CCDC158: variants seen among roughly 807,000 people sequenced by gnomAD.
CCDC158 encodes the protein coiled-coil domain-containing protein 158.
In CCDC158, 116 loss-of-function variants were observed where a neutral mutation model predicts 138.6. The ratio of observed to expected loss-of-function variants is 0.84; its 90% CI spans 0.72 to 0.98. The LOEUF is 0.98. Ranked by LOEUF, CCDC158 falls within the 50% of genes least tolerant of loss-of-function variation. CCDC158 has a pLI of 0.00. For synonymous variants in CCDC158, 436 were observed against 442.4 expected (o/e 0.99, Z 0.18); for missense variants, 1,265 against 1,306.1 (o/e 0.97, Z 0.48).
Position 76,362,227 on chromosome 4 carries a change from G to A in CCDC158, c.1919C>T (p.Ala640Val). The stretch of plus-strand genomic sequence containing the variant: ...CACTGCACGGAGCCGCTCAGAGCCT[G>A]CATTCACCAGCTTCACCTTTTCCAG... ...LELEKVKLVN[A>V]GSERLRAVKD... Residue 640 changes from alanine to valine, a missense_variant, in exon 13 of 25, where the codon GCA becomes GTA. Transcript: ENST00000682701. 1.2e-6 allele frequency: 2 copies of A among 1,614,080 alleles called. No homozygotes were observed. The highest frequency in any genetic ancestry group is 1.3e-5 in the African/African-American group (1 of 75,034).
intron 1 of CCDC158, among the ~76,000 whole-genome samples, chr4:76,414,708 G>A (rs1729556685): frequency 6.6e-6 from 1 of 152,220 alleles, no homozygotes; most frequent in East Asian, 1.9e-4. Flanking sequence ...CGATGGGGTT[G>A]TAAGGGTTTT....
rs1303265042 is a variant in CCDC158 at position 76,384,549 on chromosome 4, TCC to T, written c.398+5_398+6del. 7 of 1,603,220 alleles carry T rather than the reference TCC, an allele frequency of 4.4e-6. No individual in the cohort carries two copies. The highest frequency in any genetic ancestry group is 6.0e-6 in the Non-Finnish European group (7 of 1,175,154). ...TGTGACTTTAAAATAATTTCACAAA[TCC>T]CAACCTGATGTCAGCCATAGCATCT... On this transcript the variant is annotated splice_donor_5th_base_variant and intron_variant, in intron 5 of 24. Transcript: ENST00000682701.
At chr4:76,375,235 CAT>C (rs1725605310) in intron 9 of CCDC158, 1 of 293,272 alleles carries the variant, frequency 3.4e-6, no homozygotes, top group Admixed American at 5.1e-5. Flanking sequence ...TCCCTTTCAC[CAT>C]CTATGAATGC....
intron 24 of CCDC158, among the ~76,000 whole-genome samples, chr4:76,321,738 C>T (rs1207152097): frequency 6.9e-6 from 1 of 144,672 alleles, no homozygotes; most frequent in Non-Finnish European, 1.5e-5. Context: ...GGTGTGTACA[C>T]ATATATATGT....
chr4:76,406,368 TAATA>T (rs1478804685), intron 2 of CCDC158, among the ~76,000 whole-genome samples: 2 of 152,138 alleles, frequency 1.3e-5, no homozygotes, highest in African/African-American at 2.4e-5. Flanking sequence ...GCAAACGCAG[TAATA>T]ATGGGAGGCT....
rs1310318817 is a variant in CCDC158 at position 76,357,360 on chromosome 4, C to A, written c.2173+14G>T. The A allele has an allele frequency of 1.4e-6, 2 of 1,470,380 alleles. No homozygotes were observed. Among genetic ancestry groups the A allele is most frequent in the Non-Finnish European group, 1.8e-6 (2 of 1,111,146 alleles). 91.1% of individuals were successfully genotyped at this position (1,470,380 alleles called of 1,614,324 possible). A position where few individuals can be genotyped will look rare whatever the true frequency, so the allele number is the denominator to read the frequency against. ...AAAAACAGAAGAAAAAATTTTAAATCTAACAGAGCATACCATGACCATCAG... is the reference window on the plus strand; with the variant it reads ...AAAAACAGAAGAAAAAATTTTAAATATAACAGAGCATACCATGACCATCAG... On this transcript the variant is annotated intron_variant, in intron 14 of 24. Coordinates refer to ENST00000682701, the MANE Select transcript of CCDC158 (RefSeq NM_001394954.1).
At chr4:76,379,813 T>C (rs1579026841) in intron 8 of CCDC158, among the ~76,000 whole-genome samples, 1 of 151,670 alleles carries the variant, frequency 6.6e-6, no homozygotes, top group South Asian at 2.1e-4. Flanking sequence ...CCAAATCTCA[T>C]GTCAAATTGT....
At chr4:76,321,934 T>C (rs1008600862) in intron 24 of CCDC158, among the ~76,000 whole-genome samples, 1 of 151,436 alleles carries the variant, frequency 6.6e-6, no homozygotes, top group African/African-American at 2.4e-5. Context: ...TATGTTCTCA[T>C]TATATGTGGG....
chr4:76,319,721 T>G (rs115156306), intron 24 of CCDC158, among the ~76,000 whole-genome samples: 1 of 150,778 alleles, frequency 6.6e-6, no homozygotes, highest in Non-Finnish European at 1.5e-5. Flanking sequence ...TGCAGAAAAA[T>G]CATTTGACAA....
At chr4:76,316,900 CAAAAAAA>C (rs77150446) in intron 24 of CCDC158, among the ~76,000 whole-genome samples, 39 of 62,626 alleles carry the variant, frequency 6.2e-4, no homozygotes, top group South Asian at 1.4e-3. Context: ...CTTTTGCAGA[CAAAAAAA>C]AAAAAAAAAA....
At chr4:76,412,854 A>G (rs1729400706) in intron 1 of CCDC158, among the ~76,000 whole-genome samples, 1 of 152,256 alleles carries the variant, frequency 6.6e-6, no homozygotes, top group Admixed American at 6.5e-5. Flanking sequence ...TTAGTGGCAC[A>G]GATCTCATTG....
intron 4 of CCDC158, among the ~76,000 whole-genome samples, chr4:76,395,311 T>G (rs1359924757): frequency 6.6e-6 from 1 of 152,204 alleles, no homozygotes; most frequent in Non-Finnish European, 1.5e-5. Flanking sequence ...CTGTGCATAC[T>G]GGGGTACATA....
At chr4:76,377,592 G>C (rs146177280) in intron 9 of CCDC158, among the ~76,000 whole-genome samples, 1 of 152,286 alleles carries the variant, frequency 6.6e-6, no homozygotes, top group African/African-American at 2.4e-5. Context: ...GCCCAGACTG[G>C]GGTGGACATT....
chr4:76,322,395 A>C (rs1367205411), intron 24 of CCDC158, among the ~76,000 whole-genome samples: 1 of 152,046 alleles, frequency 6.6e-6, no homozygotes, highest in African/African-American at 2.4e-5. Flanking sequence ...CAGTTTCCTC[A>C]TTTTCAAATG....
At chr4:76,359,918 G>A (rs1723968490) in intron 13 of CCDC158, among the ~76,000 whole-genome samples, 1 of 152,206 alleles carries the variant, frequency 6.6e-6, no homozygotes. Context: ...AGACAATGGG[G>A]AAAATGTCTC....
intron 11 of CCDC158, among the ~76,000 whole-genome samples, chr4:76,368,962 T>A (rs188914615): frequency 3.3e-5 from 5 of 152,312 alleles, no homozygotes; most frequent in Admixed American, 2.0e-4. Context: ...ACGCCTGTAA[T>A]CTCAGCACCT....
intron 18 of CCDC158, among the ~76,000 whole-genome samples, chr4:76,347,738 C>T (rs917404600): frequency 6.6e-6 from 1 of 151,972 alleles, no homozygotes; most frequent in Non-Finnish European, 1.5e-5. Flanking sequence ...ACAAAATCGC[C>T]TAGAACCCAA....
chr4:76,375,823 CTG>C (rs1331293665), intron 9 of CCDC158: 6 of 501,920 alleles, frequency 1.2e-5, no homozygotes, highest in South Asian at 3.6e-5. Flanking sequence ...CATAAAATAA[CTG>C]TGTTAATCTG....
intron 11 of CCDC158, 72 bp from the exon 12 acceptor site, chr4:76,367,848 T>C (rs2110239315): frequency 7.0e-7 from 1 of 1,422,072 alleles, no homozygotes; most frequent in Middle Eastern, 1.8e-4. Flanking sequence ...AGATACAAGT[T>C]AACTTAAAAG....
Sources: gnomAD v4.1 joint callset for allele counts (sites outside exome capture counted in the v4.1 genomes callset) on GRCh38, gnomAD v4.1.1 for gene constraint, MANE v1.5 for transcripts, NCBI Gene and HGNC (gene_info 2026-07-23, HGNC 2026-07-21) for gene names.